The following PTPRD variants were observed in gnomAD, a reference collection of about 807,000 sequenced individuals.
PTPRD encodes the protein protein tyrosine phosphatase receptor type D.
Under a neutral mutation model 214.5 loss-of-function variants are expected in PTPRD, and 34 were observed. That is an observed-to-expected ratio of 0.16 (90% CI 0.12 to 0.21). The LOEUF is 0.21. PTPRD is among the 10% of genes least tolerant of loss of function. PTPRD has a pLI of 1.00. For missense variants in PTPRD, 2,545 were observed against 2,398.7 expected, an observed-to-expected ratio of 1.06 and a Z score of -1.27; for synonymous variants, 1,128 against 845.7, an observed-to-expected ratio of 1.33 and a Z score of -5.79.
intron 14 of PTPRD, among the ~76,000 whole-genome samples, chr9:8,621,561 G>A (rs2095826119): frequency 6.6e-6 from 1 of 151,798 alleles, no homozygotes; most frequent in Non-Finnish European, 1.5e-5. Flanking sequence ...AAATCCTTGA[G>A]AATAATCATT....
In PTPRD at chr9:9,874,612, TTC is replaced by T. The variant is rs536977635; in HGVS notation, c.-368+63893_-368+63894del. Among the ~76,000 whole-genome samples the T allele has an allele frequency of 1.2e-4, 19 of 152,316 alleles. No individual in the cohort carries two copies. The East Asian group carries it at 3.7e-3, about 29-fold the overall frequency. On this transcript the variant is annotated intron_variant, in intron 5 of 45. Coordinates refer to ENST00000381196, the MANE Select transcript of PTPRD (RefSeq NM_002839.4). ...CAACTTACATCATTCTAATTCCTCG[TTC>T]TCTTTTATCTCAAATAATAAACTTT...
intron 10 of PTPRD, among the ~76,000 whole-genome samples, chr9:9,052,939 T>C (rs574434163): frequency 1.4e-4 from 21 of 152,226 alleles, no homozygotes; most frequent in Non-Finnish European, 2.9e-4. Flanking sequence ...AGCAAATAAT[T>C]TTACGTACTG....
intron 3 of PTPRD, among the ~76,000 whole-genome samples, chr9:10,229,293 G>T (rs1281067992): frequency 6.6e-6 from 1 of 152,048 alleles, no homozygotes; most frequent in Non-Finnish European, 1.5e-5. Context: ...AGTCACTGTG[G>T]CAATTCCTCA....
chr9:9,722,142 TTTG>T (rs1204463899), intron 7 of PTPRD, among the ~76,000 whole-genome samples: 1 of 152,090 alleles, frequency 6.6e-6, no homozygotes, highest in East Asian at 1.9e-4. Flanking sequence ...CAGCAGTTTT[TTTG>T]TTAACTCACA....
At chr9:10,502,279 G>T (rs957813656) in intron 2 of PTPRD, among the ~76,000 whole-genome samples, 2 of 151,676 alleles carry the variant, frequency 1.3e-5, no homozygotes, top group Admixed American at 6.6e-5. Context: ...TAGAGAAATT[G>T]TAACTATATA....
At chr9:9,163,121 C>T (rs2099893721) in intron 10 of PTPRD, among the ~76,000 whole-genome samples, 1 of 152,114 alleles carries the variant, frequency 6.6e-6, no homozygotes, top group African/African-American at 2.4e-5. Context: ...CCACCTCACT[C>T]TAGGACTTAT....
intron 9 of PTPRD, among the ~76,000 whole-genome samples, chr9:9,231,525 G>C (rs1270468595): frequency 6.6e-6 from 1 of 152,058 alleles, no homozygotes; most frequent in Admixed American, 6.6e-5. Flanking sequence ...AAAGTAGTAA[G>C]ACTATCTAAA....
chr9:8,577,417 A>G (rs1029837422), intron 14 of PTPRD, among the ~76,000 whole-genome samples: 2 of 152,178 alleles, frequency 1.3e-5, no homozygotes, highest in East Asian at 1.9e-4. Context: ...CACCACACCC[A>G]GAAAAAATTG....
At chr9:8,991,218 C>CA (rs575292337) in intron 11 of PTPRD, among the ~76,000 whole-genome samples, 1,341 of 57,220 alleles carry the variant, frequency 0.023, 20 homozygotes, top group African/African-American at 0.067. Flanking sequence ...CACTCTGTCT[C>CA]AAAAAAAAAA....
chr9:9,106,970 T>C (rs1488185329), intron 10 of PTPRD, among the ~76,000 whole-genome samples: 1 of 152,170 alleles, frequency 6.6e-6, no homozygotes, highest in Non-Finnish European at 1.5e-5. Flanking sequence ...CAAGGACAGC[T>C]AGCATTTTAA....
rs115893964 is a variant in PTPRD, at chr9:8,932,528, C to T, written c.-104+86169G>A. On this transcript the variant is annotated intron_variant, in intron 11 of 45. Transcript: ENST00000381196. The stretch of plus-strand genomic sequence containing the variant: ...GGAGATGGGAGTTTGATCCATAAGT[C>T]CCTGACTGTGGCTGCTGCCTTTCTT... 7.9e-3 allele frequency among the ~76,000 whole-genome samples: 1,203 copies of T among 152,276 alleles called. 13 individuals are homozygous for T. Among genetic ancestry groups the T allele is most frequent in the African/African-American group, 0.028 (1,143 of 41,552 alleles).
At chr9:8,940,279 CCTT>C (rs2099023717) in intron 11 of PTPRD, among the ~76,000 whole-genome samples, 2 of 89,348 alleles carry the variant, frequency 2.2e-5, no homozygotes, top group African/African-American at 8.5e-5. Flanking sequence ...CTCTCTCTCT[CCTT>C]TTTTTTTTTT....
chr9:9,045,908 T>G (rs2099671051), intron 10 of PTPRD, among the ~76,000 whole-genome samples: 1 of 152,170 alleles, frequency 6.6e-6, no homozygotes, highest in African/African-American at 2.4e-5. Context: ...CATCAATCAT[T>G]CCTCTGCTGA....
At chr9:10,012,185 T>C (rs1035506180) in intron 4 of PTPRD, among the ~76,000 whole-genome samples, 14 of 151,904 alleles carry the variant, frequency 9.2e-5, no homozygotes, top group Non-Finnish European at 1.6e-4. Context: ...TGCAAGAATT[T>C]TGAAGAATTG....
chr9:8,758,085 A>C (rs2094145986), intron 11 of PTPRD, among the ~76,000 whole-genome samples: 1 of 152,244 alleles, frequency 6.6e-6, no homozygotes, highest in African/African-American at 2.4e-5. Context: ...GGCTGCCTCC[A>C]GCCTACCTCA....
At chr9:9,612,235 G>A (rs1055041046) in intron 7 of PTPRD, among the ~76,000 whole-genome samples, 1 of 152,018 alleles carries the variant, frequency 6.6e-6, no homozygotes, top group Non-Finnish European at 1.5e-5. Flanking sequence ...AAACAGTACT[G>A]AAGCTTCTGA....
intron 21 of PTPRD, among the ~76,000 whole-genome samples, chr9:8,513,681 C>T (rs139928752): frequency 6.9e-4 from 105 of 152,080 alleles, no homozygotes; most frequent in Admixed American, 1.2e-3. Flanking sequence ...TAGCAATCAT[C>T]CTAAGAATTC....
chr9:8,382,510 CCTTT>C (rs2085429025), intron 37 of PTPRD, among the ~76,000 whole-genome samples: 1 of 152,136 alleles, frequency 6.6e-6, no homozygotes, highest in African/African-American at 2.4e-5. Context: ...CTGTCAGCTG[CCTTT>C]CTAAGTAGAG....
intron 18 of PTPRD, 133 bp downstream of exon 18, chr9:8,524,792 T>C (rs1326348573): frequency 1.2e-6 from 1 of 803,614 alleles, no homozygotes; most frequent in Non-Finnish European, 2.2e-6. Flanking sequence ...TTCTATTTAC[T>C]AACATGTTTC....
Sources: gnomAD v4.1 joint callset for allele counts (sites outside exome capture counted in the v4.1 genomes callset) on GRCh38, gnomAD v4.1.1 for gene constraint, MANE v1.5 for transcripts, NCBI Gene and HGNC (gene_info 2026-07-23, HGNC 2026-07-21) for gene names.